The following PIEZO2 variants were observed in gnomAD, a reference collection of about 807,000 sequenced individuals.
PIEZO2 encodes the protein piezo-type mechanosensitive ion channel component 2.
A neutral mutation model predicts 337.3 loss-of-function variants in PIEZO2; 172 were observed. The ratio of observed to expected loss-of-function variants is 0.51; its 90% confidence interval spans 0.45 to 0.58. The LOEUF is 0.58. Ranked by LOEUF, PIEZO2 falls within the 20% of genes least tolerant of loss-of-function variation. The pLI is 0.00. For missense variants in PIEZO2, 3,028 were observed against 3,391.3 expected, an observed-to-expected ratio of 0.89 and a Z score of 2.66; for synonymous variants, 1,251 against 1,228.5, an observed-to-expected ratio of 1.02 and a Z score of -0.38.
At position 10,861,624 on chromosome 18, in the gene PIEZO2, G is replaced by A. The variant is rs534880658; in HGVS notation, c.493-4413C>T. ...GGAAGGAGGCCAGGGACCTGGAAAG[G>A]GCAGATGCTGATCAAGGGGTACAAA... is the stretch of plus-strand genomic sequence containing the variant. On this transcript the variant is annotated intron_variant, in intron 5 of 55. Coordinates refer to ENST00000674853, the MANE Select transcript of PIEZO2 (RefSeq NM_001378183.1). The surrounding 1 kb of genome is among the most constrained non-coding windows in gnomAD (Gnocchi z 4.3). 5.9e-4 allele frequency among the ~76,000 whole-genome samples: 90 copies of A among 152,276 alleles called. No individual in the cohort carries two copies. Among genetic ancestry groups the A allele is most frequent in the African/African-American group, 2.0e-3 (85 of 41,558 alleles).
At chr18:11,007,252 C>T (rs2035754646) in intron 2 of PIEZO2, among the ~76,000 whole-genome samples, 1 of 152,178 alleles carries the variant, frequency 6.6e-6, no homozygotes, top group South Asian at 2.1e-4. Flanking sequence ...ATAACAGACT[C>T]ACTTAAGGAA....
chr18:11,041,429 A>G (rs2037116575), intron 2 of PIEZO2, among the ~76,000 whole-genome samples: 2 of 152,112 alleles, frequency 1.3e-5, no homozygotes, highest in Non-Finnish European at 2.9e-5. Flanking sequence ...TTCAGCCTCG[A>G]GTTCATGAAT....
At chr18:10,956,054 A>G (rs2033507080) in intron 3 of PIEZO2, among the ~76,000 whole-genome samples, 1 of 152,116 alleles carries the variant, frequency 6.6e-6, no homozygotes, top group Admixed American at 6.5e-5. Flanking sequence ...CATTATTATT[A>G]GTATTTTATG....
intron 36 of PIEZO2, among the ~76,000 whole-genome samples, chr18:10,731,106 T>C (rs894936570): frequency 4.7e-5 from 7 of 150,330 alleles, no homozygotes; most frequent in Non-Finnish European, 1.0e-4. Context: ...TTAATATCCA[T>C]GTAAGAAATA....
intron 1 of PIEZO2, among the ~76,000 whole-genome samples, chr18:11,140,570 G>C (rs1010506883): frequency 7.9e-5 from 12 of 152,118 alleles, no homozygotes; most frequent in Non-Finnish European, 7.4e-5. Flanking sequence ...ATCTTTAGAT[G>C]CTTAGGGACT....
Position 10,752,853 on chromosome 18 carries a change from A to G in PIEZO2, c.3950T>C (p.Ile1317Thr). The G allele has an allele frequency of 1.3e-6, 2 of 1,537,092 alleles. No homozygotes were observed. Among genetic ancestry groups the G allele is most frequent in the Non-Finnish European group, 1.7e-6 (2 of 1,146,878 alleles). Reference sequence around the variant, plus strand: ...AAACCAGAAGAGGTAGCTGAAGATGATCACTTTGGACATGTCTAAGTAAGA... The same window carrying G: ...AAACCAGAAGAGGTAGCTGAAGATGGTCACTTTGGACATGTCTAAGTAAGA... ...CRSYLDMSKV[I>T]IFSYLFWFVL... Residue 1317 changes from isoleucine to threonine, a missense_variant, in exon 28 of 56, where the codon ATC (isoleucine) becomes ACC (threonine). Ile to Thr is a moderately conservative substitution (Grantham distance 89). Transcript: ENST00000674853.
chr18:10,841,266 A>T (rs775181548), intron 7 of PIEZO2, among the ~76,000 whole-genome samples: 10 of 152,050 alleles, frequency 6.6e-5, no homozygotes, highest in Admixed American at 1.3e-4. Context: ...AAACAAGATA[A>T]TCCCTAAAAT....
intron 20 of PIEZO2, among the ~76,000 whole-genome samples, chr18:10,772,050 T>G (rs1450173598): frequency 6.6e-6 from 1 of 152,208 alleles, no homozygotes; most frequent in Non-Finnish European, 1.5e-5. Flanking sequence ...CAATTCTCAA[T>G]TTTATTAATA....
chr18:10,746,846 G>A lies in PIEZO2; in HGVS notation c.4424+1625C>T, dbSNP rs1034634171. Among the ~76,000 whole-genome samples, 1 of 152,176 alleles carries A rather than the reference G, an allele frequency of 6.6e-6. No homozygotes were observed. Among genetic ancestry groups the A allele is most frequent in the African/African-American group, 2.4e-5 (1 of 41,446 alleles). ...GACTTTCCAGCCTGTGGAACTGTAA[G>A]AATTGAGTGTATACTGTTTATAGAC... is the stretch of plus-strand genomic sequence containing the variant. On this transcript the variant is annotated intron_variant, in intron 30 of 55. Coordinates refer to ENST00000674853, the MANE Select transcript of PIEZO2 (RefSeq NM_001378183.1). The surrounding 1 kb of genome is among the most constrained non-coding windows in gnomAD (Gnocchi z 4.2).
In PIEZO2 at chr18:10,671,612, A is replaced by G. The variant is rs546167077; in HGVS notation, c.8513T>C (p.Leu2838Pro). The G allele has an allele frequency of 1.7e-5, 27 of 1,613,980 alleles. No homozygotes were observed. The highest frequency in any genetic ancestry group is 2.7e-5 in the African/African-American group (2 of 75,028). Reference sequence around the variant, plus strand: ...TAATTTGGCATAGAGATCTTCTTCTAGCTCCAGTTCTCCTGTCTCTCGAAC... The same window carrying G: ...TAATTTGGCATAGAGATCTTCTTCTGGCTCCAGTTCTCCTGTCTCTCGAAC... ...FLVRETGELELEEDLYAKLIF... is the reference protein window; with the variant it reads ...FLVRETGELEPEEDLYAKLIF... The change falls in exon 56 of 56, where the codon CTA (leucine) becomes CCA (proline). Residue 2838 changes from leucine (L) to proline (P), a missense_variant. Coordinates refer to ENST00000674853, the MANE Select transcript of PIEZO2 (RefSeq NM_001378183.1).
intron 3 of PIEZO2, among the ~76,000 whole-genome samples, chr18:10,967,134 C>T (rs2034041921): frequency 6.6e-6 from 1 of 150,826 alleles, no homozygotes; most frequent in African/African-American, 2.4e-5. Context: ...TCACCTGCCT[C>T]AGCCTCCTGA....
chr18:10,961,321 CA>C (rs1348445436), intron 3 of PIEZO2, among the ~76,000 whole-genome samples: 3 of 152,112 alleles, frequency 2.0e-5, no homozygotes, highest in African/African-American at 7.2e-5. Flanking sequence ...AATGGAAAAC[CA>C]AACATCGTAT....
At chr18:11,115,202 C>T (rs1027390903) in intron 1 of PIEZO2, among the ~76,000 whole-genome samples, 20 of 152,140 alleles carry the variant, frequency 1.3e-4, no homozygotes, top group Admixed American at 1.0e-3. Flanking sequence ...GAAACAAATA[C>T]TCCTATATTA....
At chr18:10,720,766 G>C (rs536068119) in intron 36 of PIEZO2, among the ~76,000 whole-genome samples, 1 of 151,870 alleles carries the variant, frequency 6.6e-6, no homozygotes, top group Non-Finnish European at 1.5e-5. Flanking sequence ...ATTTTATCTG[G>C]TTACCCTATC....
At chr18:11,081,123 CA>C (rs1391816333) in intron 1 of PIEZO2, among the ~76,000 whole-genome samples, 1 of 152,198 alleles carries the variant, frequency 6.6e-6, no homozygotes, top group Non-Finnish European at 1.5e-5. Flanking sequence ...CTTTCTGCCA[CA>C]AGAACTTAAG....
chr18:11,039,598 T>C (rs1299644434), intron 2 of PIEZO2, among the ~76,000 whole-genome samples: 1 of 152,140 alleles, frequency 6.6e-6, no homozygotes, highest in African/African-American at 2.4e-5. Context: ...ATGATCCACA[T>C]GTAATAGATC....
chr18:10,696,198 T>C lies in PIEZO2; in HGVS notation c.7066A>G (p.Thr2356Ala). The C allele has an allele frequency of 6.2e-7, 1 of 1,614,016 alleles. No individual in the cohort carries two copies. Among genetic ancestry groups the C allele is most frequent in the Non-Finnish European group, 8.5e-7 (1 of 1,179,878 alleles). Residue 2356 changes from threonine to alanine, a missense_variant, in exon 47 of 56, where the codon ACC (threonine) becomes GCC (alanine). Physicochemically the swap from Thr to Ala is moderately conservative, Grantham distance 58. Transcript: ENST00000674853. ...FLVMVLIQFGTMVVDRALYLR... is the reference protein window; with the variant it reads ...FLVMVLIQFGAMVVDRALYLR... ...TAGAGGGCTCGGTCCACCACCATGG[T>C]TCCAAACTGAATGAGGACCATCACC... is the stretch of plus-strand genomic sequence containing the variant.
At position 10,752,085 on chromosome 18, in the gene PIEZO2, G is replaced by C. The variant is rs373550100; in HGVS notation, c.4167+551C>G. Reference sequence around the variant, plus strand: ...ATACTCAGAGACAGCCAGACAGAAGGCTGCATTTTCTCTTCTATCTACCCA... The same window carrying C: ...ATACTCAGAGACAGCCAGACAGAAGCCTGCATTTTCTCTTCTATCTACCCA... On this transcript the variant is annotated intron_variant, in intron 28 of 55. Transcript: ENST00000674853. Among the ~76,000 whole-genome samples the C allele has an allele frequency of 5.3e-5, 8 of 152,252 alleles. No individual in the cohort carries two copies. The South Asian group carries it at 1.7e-3, about 32-fold the overall frequency.
chr18:11,122,083 A>T (rs1452355876), intron 1 of PIEZO2, among the ~76,000 whole-genome samples: 1 of 152,048 alleles, frequency 6.6e-6, no homozygotes, highest in East Asian at 1.9e-4. Flanking sequence ...CCTCCCCGGC[A>T]GCTGGGACTA....
Sources: gnomAD v4.1 joint callset for allele counts (sites outside exome capture counted in the v4.1 genomes callset) on GRCh38, gnomAD v4.1.1 for gene constraint, Gnocchi (gnomAD v3.1) non-coding constraint, MANE v1.5 for transcripts, NCBI Gene and HGNC (gene_info 2026-07-23, HGNC 2026-07-21) for gene names.